PDSS1: variants seen among roughly 807,000 people sequenced by gnomAD.
PDSS1 encodes all trans-polyprenyl-diphosphate synthase PDSS1.
A neutral mutation model predicts 57.5 loss-of-function variants in PDSS1; 43 were observed. The ratio of observed to expected loss-of-function variants is 0.75; its 90% CI spans 0.59 to 0.96. The LOEUF is 0.96. Ranked by LOEUF, PDSS1 falls within the 50% of genes least tolerant of loss-of-function variation. PDSS1 has a pLI of 0.00. For synonymous variants in PDSS1, 175 were observed against 191.3 expected, an observed-to-expected ratio of 0.91 and a Z score of 0.70; for missense variants, 438 against 527.8, an observed-to-expected ratio of 0.83 and a Z score of 1.67.
At chr10:26,726,657 A>G (rs960764612) in intron 8 of PDSS1, among the ~76,000 whole-genome samples, 1 of 152,216 alleles carries the variant, frequency 6.6e-6, no homozygotes, top group African/African-American at 2.4e-5. Context: ...GCTGCATTCT[A>G]CTAAGGATAC....
intron 10 of PDSS1, among the ~76,000 whole-genome samples, chr10:26,739,347 C>T (rs112196368): frequency 8.5e-5 from 13 of 152,212 alleles, no homozygotes; most frequent in African/African-American, 2.9e-4. Flanking sequence ...ACTAAATCTG[C>T]AGGCAACTGT....
chr10:26,742,568 T>C lies in PDSS1; in HGVS notation c.1098T>C (p.Tyr366=). 2 of 1,602,142 alleles carry C rather than the reference T, an allele frequency of 1.2e-6. No individual in the cohort carries two copies. Among genetic ancestry groups the C allele is most frequent in the South Asian group, 2.2e-5 (2 of 90,870 alleles). The change falls in exon 11 of 12, where the codon TAT becomes TAC. Residue 366 remains tyrosine, a synonymous_variant. Coordinates refer to ENST00000376215, the MANE Select transcript of PDSS1 (RefSeq NM_014317.5). Reference sequence around the variant, plus strand: ...GAGATGTAGACAGAGCTCGACAGTATGTACTACAGGTAAGACTGTTTTTTT... The same window carrying C: ...GAGATGTAGACAGAGCTCGACAGTACGTACTACAGGTAAGACTGTTTTTTT... ...LPGDVDRARQ[Y]VLQSDGVQQT...
intron 10 of PDSS1, among the ~76,000 whole-genome samples, chr10:26,740,429 A>G (rs1017205362): frequency 5.3e-5 from 8 of 152,370 alleles, no homozygotes; most frequent in African/African-American, 9.6e-5. Flanking sequence ...ACTGGTTTTC[A>G]TAAGAACTAA....
chr10:26,737,722 CAAAAAAAAAAAAAAA>C (rs200552153), intron 10 of PDSS1, among the ~76,000 whole-genome samples: 46 of 73,560 alleles, frequency 6.3e-4, no homozygotes, highest in East Asian at 7.7e-4. Flanking sequence ...GACTCCGTCT[CAAAAAAAAAAAAAAA>C]AAAAAAAAAA....
At chr10:26,737,759 T>C (rs1443601384) in intron 10 of PDSS1, among the ~76,000 whole-genome samples, 2 of 136,736 alleles carry the variant, frequency 1.5e-5, no homozygotes, top group African/African-American at 2.8e-5. Context: ...AAAGGCTGGT[T>C]AAAAAAAGCA....
At chr10:26,734,654 CTG>C (rs1358012769) in intron 8 of PDSS1, 1 of 456,054 alleles carries the variant, frequency 2.2e-6, no homozygotes, top group Admixed American at 2.4e-5. Context: ...AGAGCGATAT[CTG>C]TGTCTGAAGC....
At chr10:26,744,901 C>T (rs1400581873) in intron 11 of PDSS1, among the ~76,000 whole-genome samples, 1 of 152,092 alleles carries the variant, frequency 6.6e-6, no homozygotes. Context: ...CAGTGGCTCA[C>T]ACCTGTAATC....
chr10:26,724,576 TG>T (rs1177830581), intron 8 of PDSS1, among the ~76,000 whole-genome samples: 1 of 152,156 alleles, frequency 6.6e-6, no homozygotes, highest in Admixed American at 6.6e-5. Flanking sequence ...TTTGTTTTTT[TG>T]TTTTTTGTGT....
rs188735805 is a variant in PDSS1 at position 26,705,879 on chromosome 10, A to G, written c.336+485A>G. On this transcript the variant is annotated intron_variant, in intron 4 of 11. Transcript: ENST00000376215. Reference sequence around the variant, plus strand: ...TGCCAGGCAATATGAAGAATGCAATATGTATTTATGTCCAGAAAGAGGTTA... The same window carrying G: ...TGCCAGGCAATATGAAGAATGCAATGTGTATTTATGTCCAGAAAGAGGTTA... Among the ~76,000 whole-genome samples the G allele has an allele frequency of 2.0e-3, 307 of 152,348 alleles. 3 individuals carry two copies. Among genetic ancestry groups the G allele is most frequent in the Non-Finnish European group, 1.7e-3 (115 of 68,032 alleles).
chr10:26,715,494 TC>T (rs1208470973), intron 5 of PDSS1: 1 of 152,098 alleles, frequency 6.6e-6, no homozygotes, highest in Non-Finnish European at 1.5e-5. Context: ...CCTCCCAGGT[TC>T]AAGCGATTCT....
intron 5 of PDSS1, among the ~76,000 whole-genome samples, chr10:26,713,136 CA>C (rs1371806198): frequency 1.0e-5 from 1 of 95,568 alleles, no homozygotes; most frequent in Non-Finnish European, 2.4e-5. Context: ...ACTAAAAATA[CA>C]AAAAATTAGC....
chr10:26,744,025 ACAAACTC>A (rs1476945890), intron 11 of PDSS1, among the ~76,000 whole-genome samples: 1 of 152,226 alleles, frequency 6.6e-6, no homozygotes, highest in African/African-American at 2.4e-5. Flanking sequence ...TGACTGAAGA[ACAAACTC>A]CAAAGAAGGG....
intron 11 of PDSS1, among the ~76,000 whole-genome samples, chr10:26,744,041 G>A (rs563754091): frequency 2.0e-5 from 3 of 152,254 alleles, no homozygotes; most frequent in Admixed American, 2.0e-4. Flanking sequence ...TCCAAAGAAG[G>A]GCTGCAATGT....
intron 1 of PDSS1, among the ~76,000 whole-genome samples, chr10:26,698,653 G>T (rs1387464899): frequency 1.3e-5 from 2 of 152,138 alleles, no homozygotes; most frequent in African/African-American, 4.8e-5. Flanking sequence ...GCATAACCGT[G>T]CAAAATCTAT....
chr10:26,699,497 C>T (rs557124100), intron 1 of PDSS1, among the ~76,000 whole-genome samples: 10 of 151,614 alleles, frequency 6.6e-5, no homozygotes, highest in East Asian at 2.0e-4. Context: ...CAGGTTCAAG[C>T]GATTCTCCTG....
intron 1 of PDSS1, among the ~76,000 whole-genome samples, chr10:26,701,194 G>A (rs1183043939): frequency 6.6e-6 from 1 of 152,192 alleles, no homozygotes; most frequent in African/African-American, 2.4e-5. Flanking sequence ...AAATTTAAAG[G>A]GGAAGCAGAG....
rs769708300 is a variant in PDSS1, at chr10:26,704,684, A to G, written c.170A>G (p.Tyr57Cys). ...GACATTTTTATTTTATAGATACCCT[A>G]TATTAATCTTGTGAAGCATTTAACA... ...RKGLDLSQIP[Y>C]INLVKHLTSA... Residue 57 changes from tyrosine to cysteine, a missense_variant, in exon 3 of 12, where the codon TAT becomes TGT. By Grantham distance (194) the Tyr-to-Cys change is radical. Around this residue, in one of 2 missense-constraint regions of PDSS1, gnomAD observed 154 missense variants for 137.0 expected, o/e 1.12. Transcript: ENST00000376215. The G allele has an allele frequency of 3.7e-6, 5 of 1,333,818 alleles. No homozygotes were observed. In the South Asian group the frequency reaches 4.7e-5, roughly 12 times the overall value. 82.6% of individuals were successfully genotyped at this position (1,333,818 alleles called of 1,614,324 possible).
chr10:26,740,595 A>T, intron 10 of PDSS1: 1 of 455,202 alleles, frequency 2.2e-6, no homozygotes, highest in South Asian at 1.6e-5. Flanking sequence ...TTCTTCTAGG[A>T]TTACTAATAC....
intron 5 of PDSS1, among the ~76,000 whole-genome samples, chr10:26,719,374 A>C (rs956874193): frequency 2.0e-5 from 3 of 152,256 alleles, no homozygotes; most frequent in African/African-American, 7.2e-5. Flanking sequence ...CTTGGGAAAT[A>C]AAAGTTTAAA....
Sources: gnomAD v4.1 joint callset for allele counts (sites outside exome capture counted in the v4.1 genomes callset) on GRCh38, gnomAD v4.1.1 for gene constraint, gnomAD v4.1.1 regional missense constraint, MANE v1.5 for transcripts, NCBI Gene and HGNC (gene_info 2026-07-23, HGNC 2026-07-21) for gene names.